The following MOB1B variants were observed in gnomAD, a reference collection of about 807,000 sequenced individuals.
MOB1B encodes MOB kinase activator 1B.
MOB1B carries 19 observed loss-of-function variants against 24.4 expected under a neutral mutation model. The observed-to-expected ratio is 0.78, with a 90% CI of 0.54 to 1.14. The LOEUF is 1.14. Ranked by LOEUF, MOB1B falls within the 50% of genes most tolerant of loss-of-function variation. The probability of loss-of-function intolerance (pLI) is 0.00; values close to 1 mark genes in which losing one functional copy is unlikely to be tolerated. For synonymous variants in MOB1B, 76 were observed against 82.1 expected (o/e 0.93, Z 0.40); for missense variants, 243 against 259.6 (o/e 0.94, Z 0.44).
Position 70,922,144 on chromosome 4 carries a change from T to C in MOB1B, c.14+19594T>C, listed in dbSNP as rs184684822. On this transcript the variant is annotated intron_variant, in intron 1 of 5. Coordinates refer to ENST00000309395, the MANE Select transcript of MOB1B (RefSeq NM_173468.4). ...TCTTATCCTTAGTAACCTAAAACTT[T>C]AGTGAAACCCTAAAAAGCAAGAAAT... Among the ~76,000 whole-genome samples, 100 of 152,340 alleles carry C rather than the reference T, an allele frequency of 6.6e-4. No homozygotes were observed. In the East Asian group the frequency reaches 0.012, roughly 18 times the overall value.
At position 70,906,099 on chromosome 4, in the gene MOB1B, G is replaced by A. The variant is rs147016010; in HGVS notation, c.14+3549G>A. Among the ~76,000 whole-genome samples the A allele has an allele frequency of 1.0e-4, 15 of 150,718 alleles. 1 individual carries two copies. The East Asian group carries it at 1.4e-3, about 14-fold the overall frequency. On this transcript the variant is annotated intron_variant, in intron 1 of 5. Transcript: ENST00000309395. ...GTCTTAAAAAAAAAAGGCCGGTCGC[G>A]GGGCATAATGGCTCAGGCCTGTAAT...
chr4:70,915,763 T>C (rs972014488), intron 1 of MOB1B, among the ~76,000 whole-genome samples: 1 of 151,666 alleles, frequency 6.6e-6, no homozygotes, highest in Admixed American at 6.6e-5. Flanking sequence ...GCTTGTTTCA[T>C]GCTGGCTTGA....
chr4:70,980,076 G>T (rs1293098504), intron 5 of MOB1B, among the ~76,000 whole-genome samples: 1 of 152,118 alleles, frequency 6.6e-6, no homozygotes, highest in Non-Finnish European at 1.5e-5. Flanking sequence ...TGTTGTTTTT[G>T]TATATCTACA....
At chr4:70,909,480 G>A (rs1394633794) in intron 1 of MOB1B, among the ~76,000 whole-genome samples, 1 of 151,972 alleles carries the variant, frequency 6.6e-6, no homozygotes, top group Non-Finnish European at 1.5e-5. Flanking sequence ...TCTAGCCTGG[G>A]CAACTGAGCA....
Position 70,983,537 on chromosome 4 carries a change from A to G in MOB1B, c.*1480A>G, listed in dbSNP as rs1739283144. 1 of 152,240 alleles carries G rather than the reference A, an allele frequency of 6.6e-6. No individual in the cohort carries two copies. The allele number at this position is 152,240 out of a possible 1,614,324, so 9.4% of individuals were successfully genotyped here. On this transcript the variant is annotated 3_prime_UTR_variant, in exon 6 of 6. Coordinates refer to ENST00000309395, the MANE Select transcript of MOB1B (RefSeq NM_173468.4). ...TTAGAAATCCAGTTTTAGTTTTGTC[A>G]TTTTCGATAAATCTTTCTTCAGTTA... is the stretch of plus-strand genomic sequence containing the variant.
chr4:70,953,604 A>C (rs1034462147), intron 1 of MOB1B, among the ~76,000 whole-genome samples: 1 of 152,220 alleles, frequency 6.6e-6, no homozygotes, highest in Non-Finnish European at 1.5e-5. Context: ...AAATAAAAAA[A>C]TTGGAAGCCT....
At chr4:70,917,047 G>T (rs933561800) in intron 1 of MOB1B, among the ~76,000 whole-genome samples, 1 of 152,186 alleles carries the variant, frequency 6.6e-6, no homozygotes, top group Non-Finnish European at 1.5e-5. Flanking sequence ...TATTATGAGG[G>T]ATACATTTCT....
chr4:70,976,083 G>A (rs1738981870), intron 4 of MOB1B: 1 of 408,414 alleles, frequency 2.4e-6, no homozygotes, highest in African/African-American at 2.2e-5. Context: ...TGCATTTTTA[G>A]TAGAGACAGG....
At chr4:70,902,345 C>T (rs1014471908), upstream of MOB1B, 2 of 678,798 alleles carry the variant, frequency 2.9e-6, no homozygotes, top group Middle Eastern at 2.4e-4. Context: ...CGAGCGCTAC[C>T]CACTTCCGCC....
rs369213751 is a variant in MOB1B at position 70,903,865 on chromosome 4, A to T, written c.14+1315A>T. On this transcript the variant is annotated intron_variant, in intron 1 of 5. Coordinates refer to ENST00000309395, the MANE Select transcript of MOB1B (RefSeq NM_173468.4). ...GCCTAAAACCTTTAAACGGAAAGGGATTTCTTAGGCTCCTCCTAGAAGTTG... is the reference window on the plus strand; with the variant it reads ...GCCTAAAACCTTTAAACGGAAAGGGTTTTCTTAGGCTCCTCCTAGAAGTTG... Among the ~76,000 whole-genome samples the T allele has an allele frequency of 4.0e-5, 6 of 149,158 alleles. No homozygotes were observed. The East Asian group carries it at 8.1e-4, about 20-fold the overall frequency.
intron 1 of MOB1B, among the ~76,000 whole-genome samples, chr4:70,913,631 G>A (rs1186328836): frequency 1.3e-5 from 2 of 152,110 alleles, no homozygotes; most frequent in Non-Finnish European, 2.9e-5. Context: ...GATGCATATA[G>A]TGTCTATTTG....
chr4:70,962,666 T>C (rs1738350972), intron 2 of MOB1B, among the ~76,000 whole-genome samples: 1 of 151,776 alleles, frequency 6.6e-6, no homozygotes, highest in Admixed American at 6.6e-5. Context: ...AAACCAAAAG[T>C]GTGCTTTTAA....
chr4:70,928,081 C>G (rs984255026), intron 1 of MOB1B, among the ~76,000 whole-genome samples: 5 of 152,132 alleles, frequency 3.3e-5, no homozygotes, highest in African/African-American at 1.2e-4. Flanking sequence ...GGCCTGTGCC[C>G]CCTTCCCAGT....
chr4:70,904,141 C>G (rs952038310), intron 1 of MOB1B, among the ~76,000 whole-genome samples: 1 of 151,492 alleles, frequency 6.6e-6, no homozygotes, highest in Non-Finnish European at 1.5e-5. Context: ...CGCCACCACG[C>G]CTGGCTAATT....
chr4:70,927,353 A>T (rs1305028296), intron 1 of MOB1B, among the ~76,000 whole-genome samples: 3 of 152,130 alleles, frequency 2.0e-5, no homozygotes, highest in Admixed American at 2.0e-4. Flanking sequence ...AGCCTGGCCA[A>T]CATGATGAAA....
At chr4:70,955,232 A>C (rs1271279313) in intron 1 of MOB1B, among the ~76,000 whole-genome samples, 1 of 152,172 alleles carries the variant, frequency 6.6e-6, no homozygotes, top group Non-Finnish European at 1.5e-5. Flanking sequence ...GAGTGCAGAC[A>C]CAGCTGAGGT....
chr4:70,920,674 T>C (rs1229221677), intron 1 of MOB1B, among the ~76,000 whole-genome samples: 3 of 152,162 alleles, frequency 2.0e-5, no homozygotes, highest in Non-Finnish European at 2.9e-5. Flanking sequence ...GTTTTCTGGG[T>C]TCTCTCTCTC....
At chr4:70,902,624 T>TCGCCCGC in intron 1 of MOB1B, 74 bp downstream of exon 1, 3 of 1,234,880 alleles carry the variant, frequency 2.4e-6, no homozygotes, top group Non-Finnish European at 3.2e-6. Flanking sequence ...CCGCCGCCCG[T>TCGCCCGC]CGCCCGCCCT....
intron 4 of MOB1B, among the ~76,000 whole-genome samples, chr4:70,977,016 A>G (rs1278801267): frequency 6.6e-6 from 1 of 151,974 alleles, no homozygotes; most frequent in South Asian, 2.1e-4. Flanking sequence ...ACATTCATTC[A>G]TTCCTTTTCC....
Sources: allele counts gnomAD v4.1 joint callset (sites outside exome capture counted in the v4.1 genomes callset), GRCh38; gene constraint gnomAD v4.1.1; transcripts MANE v1.5; gene names NCBI Gene and HGNC (gene_info 2026-07-23, HGNC 2026-07-21).